PVALEF: variants seen among roughly 807,000 people sequenced by gnomAD.
PVALEF encodes the protein parvalbumin like EF-hand containing.
In PVALEF, 2 loss-of-function variants were observed where a neutral mutation model predicts 1.2. That is an observed-to-expected ratio of 1.68 (90% CI 0.69 to 5.28). The LOEUF is 5.28. Ranked by LOEUF, PVALEF falls within the 30% of genes most tolerant of loss-of-function variation. The pLI, the probability that PVALEF is intolerant of heterozygous loss-of-function variation, is 0.06. For missense variants in PVALEF, 35 were observed against 17.7 expected (o/e 1.97, Z -1.75); for synonymous variants, 16 against 6.5 (o/e 2.47, Z -2.24).
chr17:81,170,729 C>T (rs574662228), intron 2 of PVALEF, among the ~76,000 whole-genome samples: 44 of 152,290 alleles, frequency 2.9e-4, no homozygotes, highest in African/African-American at 1.0e-3. Flanking sequence ...GCCTGCTGGG[C>T]ACCACAGTAG....
At chr17:81,172,721 G>A (rs993044668) in intron 2 of PVALEF, among the ~76,000 whole-genome samples, 8 of 152,152 alleles carry the variant, frequency 5.3e-5, no homozygotes, top group African/African-American at 1.2e-4. Flanking sequence ...CCGAGACCGC[G>A]ACACTGCACT....
At chr17:81,171,767 C>T (rs1193958980) in intron 2 of PVALEF, among the ~76,000 whole-genome samples, 1 of 152,190 alleles carries the variant, frequency 6.6e-6, no homozygotes, top group Non-Finnish European at 1.5e-5. Context: ...GCTGGGATTA[C>T]AGGCGTGAGC....
intron 2 of PVALEF, among the ~76,000 whole-genome samples, chr17:81,175,687 A>G (rs548182047): frequency 6.6e-6 from 1 of 152,328 alleles, no homozygotes; most frequent in East Asian, 1.9e-4. Flanking sequence ...TCAATGGGGA[A>G]AAAACAGTCT....
Position 81,181,680 on chromosome 17 carries a change from G to A in PVALEF, c.228G>A (p.Glu76=), listed in dbSNP as rs980650029. 1.2e-5 allele frequency: 5 copies of A among 403,676 alleles called. No individual in the cohort carries two copies. Among genetic ancestry groups the A allele is most frequent in the African/African-American group, 1.0e-4 (5 of 48,856 alleles). 25.0% of individuals were successfully genotyped at this position (403,676 alleles called of 1,614,324 possible). ...ACAAGGACAAGAGTGGCTTCATTGAGTGGAACGAGATCAAGTAATGGCTGG... is the reference window on the plus strand; with the variant it reads ...ACAAGGACAAGAGTGGCTTCATTGAATGGAACGAGATCAAGTAATGGCTGG... The part of the protein sequence containing the change: ...SLDKDKSGFI[E]WNEIKYILSI... Residue 76 remains glutamate (E), a synonymous_variant, in exon 5 of 7, where the codon GAG becomes GAA. Coordinates refer to ENST00000637878, the MANE Select transcript of PVALEF (RefSeq NM_001354639.2).
chr17:81,167,290 C>CA (rs34809579), intron 2 of PVALEF, among the ~76,000 whole-genome samples: 104,006 of 151,748 alleles, frequency 0.69, 37,622 homozygotes, highest in Admixed American at 0.79. Context: ...GATCTTGTCT[C>CA]AAAAAAAGTG....
chr17:81,165,765 G>C lies in PVALEF; in HGVS notation c.-508+18G>C, dbSNP rs1260810708. On this transcript the variant is annotated intron_variant, in intron 1 of 6. Coordinates refer to ENST00000637878, the MANE Select transcript of PVALEF (RefSeq NM_001354639.2). ...GGAGGCCGGTTTGTGCTGGGGCCCA[G>C]GGCCTGCCCCTCCGAGATCTGGGGC... 1 of 1,514,392 alleles carries C rather than the reference G, an allele frequency of 6.6e-7. No individual in the cohort carries two copies. Among genetic ancestry groups the C allele is most frequent in the African/African-American group, 1.4e-5 (1 of 71,924 alleles). 93.8% of individuals were successfully genotyped at this position (1,514,392 alleles called of 1,614,324 possible).
chr17:81,169,407 G>T (rs1254280106), intron 2 of PVALEF, among the ~76,000 whole-genome samples: 1 of 152,110 alleles, frequency 6.6e-6, no homozygotes, highest in African/African-American at 2.4e-5. Context: ...AGACCAGCCT[G>T]GCCAACATGG....
intron 2 of PVALEF, among the ~76,000 whole-genome samples, chr17:81,170,068 A>G (rs374255426): frequency 1.4e-4 from 18 of 131,870 alleles, no homozygotes; most frequent in Admixed American, 8.2e-4. Context: ...GTTGGTGTGT[A>G]TGTGTGTGCA....
intron 2 of PVALEF, among the ~76,000 whole-genome samples, 165 bp downstream of exon 2, chr17:81,167,009 G>A (rs2061498786): frequency 6.6e-6 from 1 of 152,198 alleles, no homozygotes; most frequent in African/African-American, 2.4e-5. Flanking sequence ...AAGTTCAGTG[G>A]AAGCTGGTCC....
rs200938335 is a variant in PVALEF at position 81,175,863 on chromosome 17, T to C, written c.-339-3055T>C. ...AGCAAAAGCTTCATGGCATGGGATT[T>C]GACAGAGATTTCTTGGATATGACAG... is the stretch of plus-strand genomic sequence containing the variant. On this transcript the variant is annotated intron_variant, in intron 2 of 6. Transcript: ENST00000637878. Among the ~76,000 whole-genome samples, 5 of 152,280 alleles carry C rather than the reference T, an allele frequency of 3.3e-5. No individual in the cohort carries two copies. In the East Asian group the frequency reaches 9.6e-4, roughly 29 times the overall value.
At chr17:81,174,918 C>T (rs2061531942) in intron 2 of PVALEF, among the ~76,000 whole-genome samples, 1 of 147,082 alleles carries the variant, frequency 6.8e-6, no homozygotes, top group South Asian at 2.2e-4. Flanking sequence ...CACTGCACTC[C>T]AGCCTGGGTG....
intron 2 of PVALEF, among the ~76,000 whole-genome samples, chr17:81,169,268 C>T (rs181989310): frequency 6.6e-6 from 1 of 152,296 alleles, no homozygotes; most frequent in East Asian, 1.9e-4. Context: ...AAGTGGTGAA[C>T]TTCATGGCAT....
chr17:81,181,937 G>C (rs985987113), intron 5 of PVALEF, 29 bp from the exon 6 acceptor site: 12 of 398,512 alleles, frequency 3.0e-5, no homozygotes, highest in Middle Eastern at 6.3e-4. Flanking sequence ...GAAGCCCCTT[G>C]GCCCTGACTC....
At chr17:81,166,212 G>A (rs923929109) in intron 1 of PVALEF, 1 of 149,638 alleles carries the variant, frequency 6.7e-6, no homozygotes, top group African/African-American at 2.5e-5. Context: ...GGGCTCCGCT[G>A]GTGCAGTCCG....
intron 2 of PVALEF, among the ~76,000 whole-genome samples, chr17:81,177,824 A>T (rs1318729348): frequency 6.6e-6 from 1 of 152,222 alleles, no homozygotes; most frequent in African/African-American, 2.4e-5. Context: ...CACCCTAATT[A>T]AAACAATCAC....
chr17:81,181,368 C>T (rs1017343494), intron 4 of PVALEF, 36 bp downstream of exon 4: 31 of 627,208 alleles, frequency 4.9e-5, no homozygotes, highest in Admixed American at 1.9e-4. Context: ...GCCCCCCGCC[C>T]GTCCAGCCCC....
chr17:81,165,532 C>T lies in PVALEF; in HGVS notation c.-723C>T. On this transcript the variant is annotated 5_prime_UTR_variant, in exon 1 of 7. Transcript: ENST00000637878. ...GAATCGCTCCCAGCCTGGGAAGAAG[C>T]CTCCCACGCCAGGGCCCCGGACCCA... is the stretch of plus-strand genomic sequence containing the variant. 1 of 819,890 alleles carries T rather than the reference C, an allele frequency of 1.2e-6. No homozygotes were observed. The highest frequency in any genetic ancestry group is 1.8e-6 in the Non-Finnish European group (1 of 569,018). The allele number at this position is 819,890 out of a possible 1,614,324, so 50.8% of individuals were successfully genotyped here. A position where few individuals can be genotyped will look rare whatever the true frequency, so the allele number is the denominator to read the frequency against.
chr17:81,180,926 C>G (rs192554037), intron 3 of PVALEF, among the ~76,000 whole-genome samples, 197 bp from the exon 4 acceptor site: 8 of 152,254 alleles, frequency 5.3e-5, no homozygotes, highest in Admixed American at 4.6e-4. Context: ...CAGAACCCAA[C>G]CCCCCCTGGG....
chr17:81,181,304 G>A lies in PVALEF; in HGVS notation c.78G>A (p.Glu26=). 1.4e-6 allele frequency: 1 copy of A among 696,712 alleles called. No individual in the cohort carries two copies. Among genetic ancestry groups the A allele is most frequent in the South Asian group, 1.5e-5 (1 of 66,100 alleles). The allele number at this position is 696,712 out of a possible 1,614,324, so 43.2% of individuals were successfully genotyped here. The change falls in exon 4 of 7, where the codon GAG becomes GAA. Residue 26 remains glutamate (E), a synonymous_variant. Transcript: ENST00000637878. The part of the protein sequence containing the change: ...MGTSLSDKDI[E]LLPTDMRHHG... ...CGTCCCTATCAGACAAGGACATTGAGCTGCTGCCCACAGACATGAGACACC... is the reference window on the plus strand; with the variant it reads ...CGTCCCTATCAGACAAGGACATTGAACTGCTGCCCACAGACATGAGACACC...
Sources: allele counts gnomAD v4.1 joint callset (sites outside exome capture counted in the v4.1 genomes callset), GRCh38; gene constraint gnomAD v4.1.1; transcripts MANE v1.5; gene names NCBI Gene and HGNC (gene_info 2026-07-23, HGNC 2026-07-21).